EHMT1: variants seen among roughly 807,000 people sequenced by gnomAD.
EHMT1 encodes histone-lysine N-methyltransferase EHMT1.
In EHMT1, 15 loss-of-function variants were observed where a neutral mutation model predicts 147.2. The observed-to-expected ratio is 0.10, with a 90% CI of 0.07 to 0.16. EHMT1 has a LOEUF of 0.16. Among genes scored for constraint, EHMT1 ranks in the 10% least tolerant of loss-of-function variants. The pLI is 1.00. For synonymous variants in EHMT1, 795 were observed against 709.6 expected, an observed-to-expected ratio of 1.12 and a Z score of -1.91; for missense variants, 1,587 against 1,772.4, an observed-to-expected ratio of 0.90 and a Z score of 1.88.
chr9:137,624,481 A>G (rs918508195), intron 1 of EHMT1, among the ~76,000 whole-genome samples: 1 of 151,522 alleles, frequency 6.6e-6, no homozygotes, highest in Non-Finnish European at 1.5e-5. Flanking sequence ...ACGCCTGGCT[A>G]ATTTTTGTAA....
At chr9:137,780,894 CTGGGATGTGTGGTGATGA>C (rs1951403578) in intron 14 of EHMT1, among the ~76,000 whole-genome samples, 1 of 101,950 alleles carries the variant, frequency 9.8e-6, no homozygotes, top group African/African-American at 3.9e-5. Context: ...GGTGATGACG[CTGGGATGTGTGGTGATGA>C]CGCTGAGATG....
At chr9:137,709,415 G>C (rs1944507065) in intron 1 of EHMT1, among the ~76,000 whole-genome samples, 1 of 152,198 alleles carries the variant, frequency 6.6e-6, no homozygotes, top group Non-Finnish European at 1.5e-5. Flanking sequence ...GCCTTACCGT[G>C]GTGGGGTGGG....
At chr9:137,800,491 C>T (rs1953372950) in intron 17 of EHMT1, 1 of 270,710 alleles carries the variant, frequency 3.7e-6, no homozygotes, top group Non-Finnish European at 7.3e-6. Context: ...GCCAAGGCTG[C>T]TGGTGCGCTC....
intron 3 of EHMT1, 111 bp from the exon 4 acceptor site, chr9:137,728,238 T>A: frequency 6.9e-7 from 1 of 1,459,596 alleles, no homozygotes. Context: ...TTGTATCTCA[T>A]CTTTCGGTTG....
At chr9:137,809,861 CCT>C (rs1439888029) in intron 18 of EHMT1, among the ~76,000 whole-genome samples, 22 of 151,254 alleles carry the variant, frequency 1.5e-4, no homozygotes, top group African/African-American at 4.9e-4. Flanking sequence ...CCGATGCCGC[CCT>C]GTGTGGACCG....
In EHMT1 at chr9:137,728,461, C is replaced by T. The variant is rs775614771; in HGVS notation, c.755C>T (p.Pro252Leu). 7.4e-6 allele frequency: 12 copies of T among 1,613,924 alleles called. No homozygotes were observed. The South Asian group carries it at 9.9e-5, about 13-fold the overall frequency. The change falls in exon 4 of 27, where the codon CCC becomes CTC. Residue 252 changes from proline (P) to leucine (L), a missense_variant. This residue lies in a region of EHMT1 where 810 missense variants were observed against 673.0 expected (regional missense o/e 1.20). Transcript: ENST00000460843. ...SDFGRQQLLP[P>L]FPSLHQSLPQ... ...TTTGGACGACAGCAGCTTTTACCCC[C>T]CTTCCCATCCCTTCATCAGTCGCTA...
Position 137,811,287 on chromosome 9 carries a change from C to T in EHMT1, c.2713-174C>T, listed in dbSNP as rs117162135. ...AAGTGCCTTCCAGAGTTGAGATGGG[C>T]GCTAGGTTCCCATCCGGTGACCTGT... On this transcript the variant is annotated intron_variant, in intron 18 of 26. Transcript: ENST00000460843. 0.046 allele frequency among the ~76,000 whole-genome samples: 7,042 copies of T among 152,190 alleles called. 227 individuals carry two copies. Among genetic ancestry groups the T allele is most frequent in the Middle Eastern group, 0.13 (38 of 294 alleles).
chr9:137,730,589 CCTGT>C (rs1221159685), intron 4 of EHMT1, among the ~76,000 whole-genome samples: 5 of 152,238 alleles, frequency 3.3e-5, no homozygotes, highest in Non-Finnish European at 5.9e-5. Flanking sequence ...CCGCCCCCAG[CCTGT>C]CTGTCTGTTT....
At chr9:137,715,434 C>T (rs1945120995) in intron 2 of EHMT1, 3 of 610,616 alleles carry the variant, frequency 4.9e-6, no homozygotes, top group Non-Finnish European at 6.1e-6. Context: ...CATTTGCGCT[C>T]ATAGGACTTA....
At chr9:137,639,588 G>C (rs1230568611) in intron 1 of EHMT1, among the ~76,000 whole-genome samples, 1 of 152,008 alleles carries the variant, frequency 6.6e-6, no homozygotes, top group Non-Finnish European at 1.5e-5. Context: ...AAATGTTTTT[G>C]TTTTAAAGTC....
At chr9:137,639,964 C>T (rs1047292581) in intron 1 of EHMT1, among the ~76,000 whole-genome samples, 1 of 152,170 alleles carries the variant, frequency 6.6e-6, no homozygotes, top group Non-Finnish European at 1.5e-5. Flanking sequence ...GACGGAGTCT[C>T]GCTCTTGTTG....
intron 25 of EHMT1, among the ~76,000 whole-genome samples, chr9:137,826,822 C>T (rs573766043): frequency 1.3e-5 from 2 of 152,362 alleles, no homozygotes; most frequent in African/African-American, 4.8e-5. Context: ...CCTAGGGCCG[C>T]ACCTCCCAAA....
At chr9:137,650,183 C>T (rs1021436966) in intron 1 of EHMT1, among the ~76,000 whole-genome samples, 1 of 152,132 alleles carries the variant, frequency 6.6e-6, no homozygotes, top group Non-Finnish European at 1.5e-5. Flanking sequence ...ACTGCAGCCT[C>T]AAACTCCCAG....
chr9:137,668,525 CTT>C lies in EHMT1; in HGVS notation c.22-42441_22-42440del, dbSNP rs112877302. Among the ~76,000 whole-genome samples the C allele has an allele frequency of 1.8e-4, 28 of 152,298 alleles. 1 individual carries two copies. Among genetic ancestry groups the C allele is most frequent in the African/African-American group, 6.3e-4 (26 of 41,554 alleles). On this transcript the variant is annotated intron_variant, in intron 1 of 26. Coordinates refer to ENST00000460843, the MANE Select transcript of EHMT1 (RefSeq NM_024757.5). ...TATACCAGAACTACTAGTACTGAAA[CTT>C]GAGTATATTTGTGGACAGAGCACCA...
rs552820573 is a variant in EHMT1 at position 137,658,149 on chromosome 9, T to A, written c.21+39100T>A. On this transcript the variant is annotated intron_variant, in intron 1 of 26. Transcript: ENST00000460843. ...TCCTTCTGTCACTCGCGGCTCTTCC[T>A]ATCCAGAATGGTCTTTTTCTCCATT... Among the ~76,000 whole-genome samples the A allele has an allele frequency of 4.7e-4, 71 of 152,304 alleles. 2 individuals carry two copies. Among genetic ancestry groups the A allele is most frequent in the East Asian group, 1.2e-3 (6 of 5,180 alleles).
chr9:137,759,215 CTCT>C (rs1949619792), intron 9 of EHMT1, among the ~76,000 whole-genome samples: 1 of 152,094 alleles, frequency 6.6e-6, no homozygotes, highest in Non-Finnish European at 1.5e-5. Flanking sequence ...ATATTTTTTC[CTCT>C]TCTTGCACCA....
rs767976306 is a variant in EHMT1, at chr9:137,716,742, A to T, written c.202A>T (p.Asn68Tyr). Residue 68 changes from asparagine to tyrosine, a missense_variant, in exon 3 of 27, where the codon AAT becomes TAT. Coordinates refer to ENST00000460843, the MANE Select transcript of EHMT1 (RefSeq NM_024757.5). ...CENSDASSHA[N>Y]AAKHTQDSAR... is the part of the protein sequence containing the mutation. The stretch of plus-strand genomic sequence containing the variant: ...AAACAGCGATGCCAGCAGTCATGCA[A>T]ATGCTGCAAAGCACACTCAGGACAG... The T allele has an allele frequency of 6.2e-7, 1 of 1,612,724 alleles. No homozygotes were observed. The highest frequency in any genetic ancestry group is 8.5e-7 in the Non-Finnish European group (1 of 1,179,540).
chr9:137,815,868 TTAG>T, intron 22 of EHMT1, 76 bp from the exon 23 acceptor site: 1 of 1,227,532 alleles, frequency 8.1e-7, no homozygotes, highest in Non-Finnish European at 1.2e-6. Flanking sequence ...CACTGGGCAC[TTAG>T]TAGAAATGGG....
chr9:137,665,048 A>T (rs927268019), intron 1 of EHMT1: 2 of 152,184 alleles, frequency 1.3e-5, no homozygotes, highest in Non-Finnish European at 2.9e-5. Context: ...TGTACTAGAA[A>T]GCGTGGGGGA....
Sources: allele counts gnomAD v4.1 joint callset (sites outside exome capture counted in the v4.1 genomes callset), GRCh38; gene constraint gnomAD v4.1.1; regional missense constraint gnomAD v4.1.1; transcripts MANE v1.5; gene names NCBI Gene and HGNC (gene_info 2026-07-23, HGNC 2026-07-21).